Variants in C4orf51 observed in about 807,000 individuals in gnomAD.
The protein encoded by C4orf51 is uncharacterized protein C4orf51.
C4orf51 carries 25 observed loss-of-function variants against 25.2 expected under a neutral mutation model. That is an observed-to-expected ratio of 0.99 (90% CI 0.72 to 1.39). The LOEUF (loss-of-function observed/expected upper bound fraction) is 1.39, where lower values mean the gene tolerates loss of function less well. Ranked by LOEUF, C4orf51 falls within the 40% of genes most tolerant of loss-of-function variation. C4orf51 has a pLI of 0.00. For synonymous variants in C4orf51, 100 were observed against 84.5 expected (o/e 1.18, Z -1.01); for missense variants, 252 against 239.6 (o/e 1.05, Z -0.34).
At chr4:145,734,204 T>C (rs1732671528), downstream of C4orf51, among the ~76,000 whole-genome samples, 1 of 152,204 alleles carries the variant, frequency 6.6e-6, no homozygotes, top group African/African-American at 2.4e-5. Context: ...AAATATTTGC[T>C]TGTGGAAACA....
At chr4:145,774,430 C>T, downstream of C4orf51, 6 of 1,510,418 alleles carry the variant, frequency 4.0e-6, no homozygotes, top group Non-Finnish European at 5.4e-6. Flanking sequence ...AGTGGGGATG[C>T]TTCGGCCAGG....
rs566726902 is a variant in C4orf51 at position 145,729,637 on chromosome 4, C to T, written c.428-255C>T. On this transcript the variant is annotated intron_variant, in intron 4 of 5. Coordinates refer to ENST00000438731, the MANE Select transcript of C4orf51 (RefSeq NM_001080531.3). ...TATTTTCATACCTTTTGCATTTCTG[C>T]TTCCTTCCTCCTGGCACCCACATTG... Among the ~76,000 whole-genome samples, 6 of 152,264 alleles carry T rather than the reference C, an allele frequency of 3.9e-5. No individual in the cohort carries two copies. The East Asian group carries it at 1.2e-3, about 29-fold the overall frequency.
intron 2 of C4orf51, among the ~76,000 whole-genome samples, chr4:145,701,146 A>G (rs142392321): frequency 0.13 from 19,068 of 151,864 alleles, 1,294 homozygotes; most frequent in South Asian, 0.19. Flanking sequence ...TTATTACCCA[A>G]TCTGCTCCCA....
intron 2 of C4orf51, among the ~76,000 whole-genome samples, chr4:145,712,252 TTTAAA>T (rs1458955704): frequency 6.6e-6 from 1 of 152,186 alleles, no homozygotes; most frequent in African/African-American, 2.4e-5. Context: ...TATTTCTTAC[TTTAAA>T]TTAAAAGCTA....
At chr4:145,699,565 G>A (rs1253835793) in intron 2 of C4orf51, among the ~76,000 whole-genome samples, 2 of 152,126 alleles carry the variant, frequency 1.3e-5, no homozygotes, top group African/African-American at 2.4e-5. Flanking sequence ...AAGGAGACAT[G>A]TTTTATCCGT....
the C4orf51 span, among the ~76,000 whole-genome samples, chr4:145,782,446 A>G: frequency 6.6e-6 from 1 of 152,142 alleles, no homozygotes; most frequent in Non-Finnish European, 1.5e-5. Flanking sequence ...CCATGTGAGA[A>G]ACTTTGGAAT....
At chr4:145,758,941 T>C (rs1734170957), downstream of C4orf51, 2 of 152,250 alleles carry the variant, frequency 1.3e-5, no homozygotes, top group South Asian at 4.1e-4. Flanking sequence ...AGTACAGTCT[T>C]CTGGCTTCCT....
At chr4:145,771,538 C>T (rs1284743065), downstream of C4orf51, among the ~76,000 whole-genome samples, 1 of 152,174 alleles carries the variant, frequency 6.6e-6, no homozygotes, top group Non-Finnish European at 1.5e-5. Flanking sequence ...GAAGAAGTCA[C>T]AAGCACCAAA....
intron 1 of C4orf51, among the ~76,000 whole-genome samples, chr4:145,767,426 C>A (rs1395158559): frequency 6.6e-6 from 1 of 152,086 alleles, no homozygotes; most frequent in Non-Finnish European, 1.5e-5. Flanking sequence ...TAATTGGAAT[C>A]CCTGGTGGGG....
At chr4:145,707,767 G>A (rs1000918058) in intron 2 of C4orf51, among the ~76,000 whole-genome samples, 6 of 152,196 alleles carry the variant, frequency 3.9e-5, no homozygotes, top group Admixed American at 2.6e-4. Context: ...TTTGGAGGAA[G>A]GTTGCTCAGA....
chr4:145,763,203 C>A lies in C4orf51; in HGVS notation n.167-7785C>A. On this transcript the variant is annotated intron_variant and non_coding_transcript_variant, in intron 1 of 1. Transcript: ENST00000510096. The surrounding 1 kb of genome is among the most constrained non-coding windows in gnomAD (Gnocchi z 4.6). ...ATATAGAGTACAAGCAGTTCCATCA[C>A]AGAAAAGCAATTTAGACATCAGCAG... 7.2e-7 allele frequency: 1 copy of A among 1,398,406 alleles called. No individual in the cohort carries two copies. The allele number at this position is 1,398,406 out of a possible 1,614,324, so 86.6% of individuals were successfully genotyped here.
intron 4 of C4orf51, among the ~76,000 whole-genome samples, chr4:145,729,548 T>TG (rs1732339753): frequency 6.6e-6 from 1 of 152,076 alleles, no homozygotes; most frequent in African/African-American, 2.4e-5. Flanking sequence ...TGATCCTCCC[T>TG]CCTTGGCCTC....
At chr4:145,697,220 C>T (rs1419006493) in intron 2 of C4orf51, among the ~76,000 whole-genome samples, 1 of 151,492 alleles carries the variant, frequency 6.6e-6, no homozygotes, top group East Asian at 2.0e-4. Flanking sequence ...ATGCCTCAGC[C>T]TCCCAAGTAG....
chr4:145,789,608 G>A, the C4orf51 span, among the ~76,000 whole-genome samples: 3 of 152,210 alleles, frequency 2.0e-5, no homozygotes, highest in South Asian at 2.1e-4. Flanking sequence ...TGAACTCAAC[G>A]TCACCTAGCT....
At chr4:145,724,923 G>A (rs538012739) in intron 2 of C4orf51, among the ~76,000 whole-genome samples, 2 of 146,658 alleles carry the variant, frequency 1.4e-5, no homozygotes, top group African/African-American at 5.0e-5. Flanking sequence ...GAAGAAAAGA[G>A]TTAAGTGAAA....
At chr4:145,724,842 C>T (rs1560848525) in intron 2 of C4orf51, among the ~76,000 whole-genome samples, 1 of 131,310 alleles carries the variant, frequency 7.6e-6, no homozygotes, top group Non-Finnish European at 1.5e-5. Context: ...CATGATCATG[C>T]ACTGCACTCC....
chr4:145,781,275 C>G, the C4orf51 span, among the ~76,000 whole-genome samples: 16 of 134,078 alleles, frequency 1.2e-4, no homozygotes, highest in Non-Finnish European at 6.5e-5. Context: ...GAGATAACAT[C>G]AGAAGAAAAA....
In C4orf51 at chr4:145,763,499, G is replaced by A. The variant is rs765200681; in HGVS notation, n.167-7489G>A. On this transcript the variant is annotated intron_variant and non_coding_transcript_variant, in intron 1 of 1. Transcript: ENST00000510096. This position sits in a 1 kb window ranked among gnomAD's most constrained non-coding sequence, Gnocchi z 4.6. ...ACACAGGGGACGGTTAGCACCGCAC[G>A]GGAAGTGTCTGTACCAGCAAAAGCA... 5.3e-5 allele frequency among the ~76,000 whole-genome samples: 8 copies of A among 152,218 alleles called. No homozygotes were observed. Among genetic ancestry groups the A allele is most frequent in the Non-Finnish European group, 1.2e-4 (8 of 68,048 alleles).
At chr4:145,743,982 C>A (rs1402936134) in intron 1 of C4orf51, among the ~76,000 whole-genome samples, 1 of 152,192 alleles carries the variant, frequency 6.6e-6, no homozygotes, top group African/African-American at 2.4e-5. Context: ...ATTTTCACAG[C>A]AATTTATGTG....
Sources: allele counts gnomAD v4.1 joint callset (sites outside exome capture counted in the v4.1 genomes callset), GRCh38; gene constraint gnomAD v4.1.1; non-coding constraint Gnocchi (gnomAD v3.1); transcripts MANE v1.5; gene names NCBI Gene and HGNC (gene_info 2026-07-23, HGNC 2026-07-21).